The following NID2 variants were observed in gnomAD, a reference collection of about 807,000 sequenced individuals.
NID2 encodes the protein nidogen-2.
NID2 carries 83 observed loss-of-function variants against 145.4 expected under a neutral mutation model. The ratio of observed to expected loss-of-function variants is 0.57; its 90% CI spans 0.48 to 0.69. The LOEUF is 0.69. Among genes scored for constraint, NID2 ranks in the 30% least tolerant of loss-of-function variants. The pLI, the probability that NID2 is intolerant of heterozygous loss-of-function variation, is 0.00. For missense variants in NID2, 1,807 were observed against 1,765.7 expected (o/e 1.02, Z -0.42); for synonymous variants, 739 against 701.3 (o/e 1.05, Z -0.85).
intron 14 of NID2, among the ~76,000 whole-genome samples, chr14:52,015,845 T>C (rs890277483): frequency 2.6e-5 from 4 of 152,188 alleles, no homozygotes; most frequent in African/African-American, 9.7e-5. Flanking sequence ...GCCCTCTGTC[T>C]ACCCACTGGA....
At position 52,014,156 on chromosome 14, in the gene NID2, C is replaced by T. The variant is rs751351934; in HGVS notation, c.3420+131G>A. On this transcript the variant is annotated intron_variant, in intron 16 of 21. Transcript: ENST00000216286. ...TATGGTGGTGGCATCGGGCCCATGC[C>T]GATGGGCTGCAGCTCAGAAACCCTC... 5.9e-6 allele frequency: 7 copies of T among 1,181,090 alleles called. No homozygotes were observed. The African/African-American group carries it at 6.0e-5, about 10-fold the overall frequency. 73.2% of individuals were successfully genotyped at this position (1,181,090 alleles called of 1,614,324 possible). A position where few individuals can be genotyped will look rare whatever the true frequency, so the allele number is the denominator to read the frequency against.
rs368682726 is a variant in NID2, at chr14:52,038,844, G to C, written c.2160C>G (p.Thr720=). 2.5e-6 allele frequency: 4 copies of C among 1,614,086 alleles called. No individual in the cohort carries two copies. Among genetic ancestry groups the C allele is most frequent in the African/African-American group, 2.7e-5 (2 of 75,048 alleles). The change falls in exon 9 of 22, where the codon ACC becomes ACG. Residue 720 remains threonine (T), a synonymous_variant. Transcript: ENST00000216286. ...RHAPRHPSFP[T]TQQLNVDRVF... ...CCCGGTCCACGTTCAGCTGCTGGGT[G>C]GTGGGGAAGGACGGGTGTCTGGGGG...
chr14:52,021,163 A>G (rs1042124060), intron 12 of NID2, among the ~76,000 whole-genome samples: 1 of 152,124 alleles, frequency 6.6e-6, no homozygotes, highest in Non-Finnish European at 1.5e-5. Context: ...GGCTGAAAAT[A>G]AAACAAAGCA....
intron 2 of NID2, among the ~76,000 whole-genome samples, chr14:52,067,163 T>C (rs1893245335): frequency 6.6e-6 from 1 of 152,196 alleles, no homozygotes; most frequent in South Asian, 2.1e-4. Flanking sequence ...TTTATAATAA[T>C]GAAAAACCAG....
At chr14:52,066,780 T>C (rs1293894378) in intron 2 of NID2, among the ~76,000 whole-genome samples, 4 of 152,150 alleles carry the variant, frequency 2.6e-5, no homozygotes, top group East Asian at 1.9e-4. Context: ...CCCTAGAGTA[T>C]GGTATTTTAG....
At chr14:52,009,301 TCAA>T (rs1196898559) in intron 18 of NID2, 1 of 152,212 alleles carries the variant, frequency 6.6e-6, no homozygotes, top group East Asian at 1.9e-4. Flanking sequence ...TTTAATATCA[TCAA>T]CAACAATAAG....
At chr14:52,041,959 T>C in intron 7 of NID2, 146 bp downstream of exon 7, 1 of 984,680 alleles carries the variant, frequency 1.0e-6, no homozygotes, top group Non-Finnish European at 1.4e-6. Flanking sequence ...CCCAACAACC[T>C]GTGGCCAGAA....
chr14:52,011,692 A>G lies in NID2; in HGVS notation c.3421-9T>C, dbSNP rs750405541. 1.2e-6 allele frequency: 2 copies of G among 1,614,080 alleles called. No individual in the cohort carries two copies. Among genetic ancestry groups the G allele is most frequent in the South Asian group, 1.1e-5 (1 of 91,082 alleles). ...CCCACGATTATGGAGCCCTTTGTGC[A>G]TCAAATCATAGAATTAGAAGAATTA... is the stretch of plus-strand genomic sequence containing the variant. On this transcript the variant is annotated splice_polypyrimidine_tract_variant and intron_variant, in intron 16 of 21. Transcript: ENST00000216286.
chr14:52,040,411 A>G (rs1057042166), intron 8 of NID2, among the ~76,000 whole-genome samples: 1 of 152,156 alleles, frequency 6.6e-6, no homozygotes, highest in African/African-American at 2.4e-5. Context: ...CAATGTTGCT[A>G]TTGATTTTAT....
Position 52,005,867 on chromosome 14 carries a change from G to T in NID2, c.4005-18C>A. ...CACCATCCCTGGTAACAGAAAGGAA[G>T]AGTGAATTCAGGGACAGTCATTTAC... On this transcript the variant is annotated intron_variant, in intron 20 of 21. Coordinates refer to ENST00000216286, the MANE Select transcript of NID2 (RefSeq NM_007361.4). 1 of 1,555,482 alleles carries T rather than the reference G, an allele frequency of 6.4e-7. No individual in the cohort carries two copies. Among genetic ancestry groups the T allele is most frequent in the South Asian group, 1.1e-5 (1 of 89,832 alleles).
intron 9 of NID2, among the ~76,000 whole-genome samples, chr14:52,032,580 TC>T (rs1891906459): frequency 6.7e-5 from 3 of 44,968 alleles, no homozygotes; most frequent in Admixed American, 4.8e-4. Flanking sequence ...AAGAACGTGA[TC>T]ATCTCCCATC....
In NID2 at chr14:52,029,653, A is replaced by G; in HGVS notation, c.2295T>C (p.Asp765=). Residue 765 remains aspartate, a synonymous_variant, in exon 10 of 22, where the codon GAT becomes GAC. Coordinates refer to ENST00000216286, the MANE Select transcript of NID2 (RefSeq NM_007361.4). Reference sequence around the variant, plus strand: ...CTGTTGTGTCACACATGTGGCTCCCATCATAGCAAGGATTCCCCGGAGTGG... The same window carrying G: ...CTGTTGTGTCACACATGTGGCTCCCGTCATAGCAAGGATTCCCCGGAGTGG... ...SDPTPGNPCY[D]GSHMCDTTAR... The G allele has an allele frequency of 1.2e-6, 2 of 1,614,056 alleles. No homozygotes were observed. Among genetic ancestry groups the G allele is most frequent in the African/African-American group, 1.3e-5 (1 of 75,044 alleles).
chr14:52,019,629 A>C (rs1297397772), intron 13 of NID2, among the ~76,000 whole-genome samples: 1 of 151,868 alleles, frequency 6.6e-6, no homozygotes, highest in Non-Finnish European at 1.5e-5. Context: ...CCACAGGTTA[A>C]GTCTGAGAAG....
At chr14:52,043,282 CT>C (rs1216790494) in intron 5 of NID2, among the ~76,000 whole-genome samples, 3 of 152,184 alleles carry the variant, frequency 2.0e-5, no homozygotes, top group African/African-American at 7.2e-5. Flanking sequence ...AATATCAGCA[CT>C]TTTATATGGT....
At chr14:52,052,136 C>T (rs1395990077) in intron 5 of NID2, among the ~76,000 whole-genome samples, 1 of 152,150 alleles carries the variant, frequency 6.6e-6, no homozygotes, top group African/African-American at 2.4e-5. Context: ...GATACTTGGC[C>T]TTAAAATGTA....
At chr14:52,032,987 T>G (rs935090421) in intron 9 of NID2, among the ~76,000 whole-genome samples, 1 of 152,188 alleles carries the variant, frequency 6.6e-6, no homozygotes, top group African/African-American at 2.4e-5. Context: ...AGCCCATGGT[T>G]CAAAGCAAAG....
At chr14:52,015,439 T>C (rs1438527632) in intron 14 of NID2, among the ~76,000 whole-genome samples, 164 bp from the exon 15 acceptor site, 1 of 152,236 alleles carries the variant, frequency 6.6e-6, no homozygotes, top group African/African-American at 2.4e-5. Context: ...AGCAAATGTG[T>C]TCTAAGTACT....
At chr14:52,007,395 C>T in intron 19 of NID2, 1 of 196,140 alleles carries the variant, frequency 5.1e-6, no homozygotes. Flanking sequence ...TGCTAATACC[C>T]ATGTTATTAC....
At chr14:52,041,086 G>A (rs1892263804) in intron 7 of NID2, among the ~76,000 whole-genome samples, 1 of 152,118 alleles carries the variant, frequency 6.6e-6, no homozygotes, top group Admixed American at 6.5e-5. Context: ...GAACAAGCTT[G>A]TATTCTGTGA....
Sources: allele counts gnomAD v4.1 joint callset (sites outside exome capture counted in the v4.1 genomes callset), GRCh38; gene constraint gnomAD v4.1.1; transcripts MANE v1.5; gene names NCBI Gene and HGNC (gene_info 2026-07-23, HGNC 2026-07-21).